ZNRF3: variants seen among roughly 807,000 people sequenced by gnomAD.
The protein encoded by ZNRF3 is E3 ubiquitin-protein ligase ZNRF3.
A neutral mutation model predicts 72.5 loss-of-function variants in ZNRF3; 23 were observed. The observed-to-expected ratio is 0.32, with a 90% CI of 0.23 to 0.45. The LOEUF (loss-of-function observed/expected upper bound fraction) is 0.45, where lower values mean the gene tolerates loss of function less well. Ranked by LOEUF, ZNRF3 falls within the 20% of genes least tolerant of loss-of-function variation. The pLI is 1.00. For missense variants in ZNRF3, 1,169 were observed against 1,272.1 expected, an observed-to-expected ratio of 0.92 and a Z score of 1.23; for synonymous variants, 610 against 545.3, an observed-to-expected ratio of 1.12 and a Z score of -1.65.
At chr22:28,919,487 A>T (rs972746556) in intron 1 of ZNRF3, among the ~76,000 whole-genome samples, 2 of 151,884 alleles carry the variant, frequency 1.3e-5, no homozygotes, top group Non-Finnish European at 2.9e-5. Flanking sequence ...AGGTCCTCTT[A>T]CCTACTGATG....
chr22:29,029,240 G>GA (rs778872000), intron 2 of ZNRF3, among the ~76,000 whole-genome samples: 4 of 152,218 alleles, frequency 2.6e-5, no homozygotes, highest in Non-Finnish European at 5.9e-5. Flanking sequence ...CAAGATAGAA[G>GA]AGTAAGATCT....
At chr22:29,034,916 C>T (rs775150762) in intron 2 of ZNRF3, among the ~76,000 whole-genome samples, 3 of 151,706 alleles carry the variant, frequency 2.0e-5, no homozygotes, top group South Asian at 2.1e-4. Context: ...TAATAACTAC[C>T]GTGGAACAAC....
At chr22:28,961,480 G>T (rs1233503790) in intron 1 of ZNRF3, among the ~76,000 whole-genome samples, 1 of 152,210 alleles carries the variant, frequency 6.6e-6, no homozygotes, top group Non-Finnish European at 1.5e-5. Context: ...AAGATCATGT[G>T]GAGGCAATGG....
chr22:28,952,765 A>G (rs913894965), intron 1 of ZNRF3, among the ~76,000 whole-genome samples: 1 of 152,170 alleles, frequency 6.6e-6, no homozygotes, highest in African/African-American at 2.4e-5. Context: ...ACATCTCTGG[A>G]ATTAGGAGTT....
intron 2 of ZNRF3, among the ~76,000 whole-genome samples, chr22:29,010,767 T>C (rs921436514): frequency 6.6e-6 from 1 of 152,220 alleles, no homozygotes; most frequent in African/African-American, 2.4e-5. Context: ...CCTCCCAGGT[T>C]CAAGCAGTTC....
Position 29,049,837 on chromosome 22 carries a change from C to G in ZNRF3, c.1656C>G (p.Ser552Arg). Reference protein sequence around the residue: ...YLADCPGSDSSSSSSSGQCHC... With the variant: ...YLADCPGSDSRSSSSSGQCHC... ...CCGACTGCCCAGGCAGCGACAGCAG[C>G]AGCAGCAGCAGCTCCGGCCAGTGCC... is the stretch of plus-strand genomic sequence containing the variant. The change falls in exon 8 of 9, where the codon AGC becomes AGG. Residue 552 changes from serine (S) to arginine (R), a missense_variant. By Grantham distance (110) the Ser-to-Arg change is moderately radical. Coordinates refer to ENST00000544604, the MANE Select transcript of ZNRF3 (RefSeq NM_001206998.2). The surrounding 1 kb of genome is among the most constrained non-coding windows in gnomAD (Gnocchi z 5.2). The G allele has an allele frequency of 6.2e-7, 1 of 1,608,824 alleles. No individual in the cohort carries two copies. Among genetic ancestry groups the G allele is most frequent in the Non-Finnish European group, 8.5e-7 (1 of 1,177,480 alleles).
At chr22:29,044,075 C>T (rs1312011669) in intron 4 of ZNRF3, among the ~76,000 whole-genome samples, 1 of 152,198 alleles carries the variant, frequency 6.6e-6, no homozygotes, top group East Asian at 1.9e-4. Context: ...TTATTTCCTC[C>T]TCACAAATAT....
At chr22:28,956,857 C>A (rs1377481205) in intron 1 of ZNRF3, among the ~76,000 whole-genome samples, 1 of 152,156 alleles carries the variant, frequency 6.6e-6, no homozygotes, top group Non-Finnish European at 1.5e-5. Flanking sequence ...TGGGTCAATT[C>A]TGGAGGAAAA....
chr22:28,944,886 A>G (rs1457442330), intron 1 of ZNRF3, among the ~76,000 whole-genome samples: 2 of 151,702 alleles, frequency 1.3e-5, no homozygotes, highest in African/African-American at 2.4e-5. Context: ...AGATCGTGCC[A>G]CTGCACCCCA....
chr22:29,049,652 G>A lies in ZNRF3; in HGVS notation c.1471G>A (p.Ala491Thr), dbSNP rs760162856. The A allele has an allele frequency of 3.7e-6, 6 of 1,609,532 alleles. No homozygotes were observed. The highest frequency in any genetic ancestry group is 1.7e-4 in the Middle Eastern group (1 of 6,058). The change falls in exon 8 of 9, where the codon GCA becomes ACA. Residue 491 changes from alanine (A) to threonine (T), a missense_variant. Physicochemically the swap from Ala to Thr is moderately conservative, Grantham distance 58 (BLOSUM62 0). Transcript: ENST00000544604. The surrounding 1 kb of genome is among the most constrained non-coding windows in gnomAD (Gnocchi z 5.2). ...GGAGGGGCAGTCCCCACCTAGCCTC[G>A]CACCCCGGGGCCCGGCCCGTGCCTT... ...EQEGQSPPSL[A>T]PRGPARAFPP...
chr22:28,936,335 C>A (rs2034819742), intron 1 of ZNRF3, among the ~76,000 whole-genome samples: 1 of 152,174 alleles, frequency 6.6e-6, no homozygotes, highest in South Asian at 2.1e-4. Context: ...CTCATCTCTG[C>A]CTATTCAGCC....
At chr22:29,024,704 T>TAAATTAATGAATATTTTG (rs1460841043) in intron 2 of ZNRF3, among the ~76,000 whole-genome samples, 2 of 152,160 alleles carry the variant, frequency 1.3e-5, no homozygotes, top group Non-Finnish European at 1.5e-5. Context: ...AAGTATTTGT[T>TAAATTAATGAATATTTTG]AAATTAATGA....
At chr22:28,978,445 G>T (rs115565200) in intron 1 of ZNRF3, among the ~76,000 whole-genome samples, 1 of 152,292 alleles carries the variant, frequency 6.6e-6, no homozygotes, top group African/African-American at 2.4e-5. Context: ...TCCCAGAACA[G>T]CCGTCTCAGA....
intron 1 of ZNRF3, among the ~76,000 whole-genome samples, chr22:28,980,368 T>C (rs1218144438): frequency 6.6e-6 from 1 of 152,196 alleles, no homozygotes; most frequent in Non-Finnish European, 1.5e-5. Flanking sequence ...TATATACAAA[T>C]AATTTTAAAA....
intron 1 of ZNRF3, among the ~76,000 whole-genome samples, chr22:28,948,546 G>C (rs2035095163): frequency 6.6e-6 from 1 of 152,170 alleles, no homozygotes; most frequent in South Asian, 2.1e-4. Context: ...TTAATGCCTG[G>C]CTTAGTAAGA....
intron 1 of ZNRF3, among the ~76,000 whole-genome samples, chr22:28,959,503 A>C (rs1200789214): frequency 6.6e-6 from 1 of 152,376 alleles, no homozygotes; most frequent in African/African-American, 2.4e-5. Context: ...TACCACAGTA[A>C]TATTAAGTAG....
At chr22:28,898,979 C>T (rs933717995) in intron 1 of ZNRF3, among the ~76,000 whole-genome samples, 6 of 128,308 alleles carry the variant, frequency 4.7e-5, no homozygotes, top group Admixed American at 3.6e-4. Context: ...GTGGTGATTA[C>T]ATGGGCATTG....
chr22:29,037,523 A>T (rs550055284), intron 2 of ZNRF3, among the ~76,000 whole-genome samples: 2 of 152,346 alleles, frequency 1.3e-5, no homozygotes, highest in East Asian at 3.9e-4. Context: ...GCTTTCACTT[A>T]TAATAAACAT....
At chr22:28,909,768 T>TC (rs2034281300) in intron 1 of ZNRF3, among the ~76,000 whole-genome samples, 1 of 150,476 alleles carries the variant, frequency 6.6e-6, no homozygotes, top group Non-Finnish European at 1.5e-5. Context: ...TTTTTTTTTT[T>TC]TGGTGGTAGG....
Sources: allele counts gnomAD v4.1 joint callset (sites outside exome capture counted in the v4.1 genomes callset), GRCh38; gene constraint gnomAD v4.1.1; non-coding constraint Gnocchi (gnomAD v3.1); transcripts MANE v1.5; gene names NCBI Gene and HGNC (gene_info 2026-07-23, HGNC 2026-07-21).